Variants in XRCC1 observed in about 807,000 individuals in gnomAD.
XRCC1 encodes the protein DNA repair protein XRCC1.
XRCC1 carries 52 observed loss-of-function variants against 83.3 expected under a neutral mutation model. That is an observed-to-expected ratio of 0.62 (90% CI 0.50 to 0.79). The LOEUF (loss-of-function observed/expected upper bound fraction) is 0.79, where lower values mean the gene tolerates loss of function less well. Ranked by LOEUF, XRCC1 falls within the 30% of genes least tolerant of loss-of-function variation. The pLI, the probability that XRCC1 is intolerant of heterozygous loss-of-function variation, is 0.00. For synonymous variants in XRCC1, 281 were observed against 312.6 expected (o/e 0.90, Z 1.07); for missense variants, 793 against 823.5 (o/e 0.96, Z 0.45).
At chr19:43,551,156 T>C (rs935172471) in intron 10 of XRCC1, among the ~76,000 whole-genome samples, 1 of 151,944 alleles carries the variant, frequency 6.6e-6, no homozygotes. Context: ...TTAGTAGAGA[T>C]GGGGTTTCAC....
chr19:43,552,017 A>G lies in XRCC1; in HGVS notation c.1082T>C (p.Ile361Thr), dbSNP rs1972581450. ...CGCAGGGAGGGGGGCGCAAGCCTACATGAGGTGCGTGCTGTCCCGGGTCCA... is the reference window on the plus strand; with the variant it reads ...CGCAGGGAGGGGGGCGCAAGCCTACGTGAGGTGCGTGCTGTCCCGGGTCCA... ...PDWTRDSTHL[I>T]CAFANTPKYS... The change falls in exon 9 of 17, where the codon ATC (isoleucine) becomes ACC (threonine). Residue 361 changes from isoleucine to threonine, a missense_variant and splice_region_variant. Coordinates refer to ENST00000262887, the MANE Select transcript of XRCC1 (RefSeq NM_006297.3). 6.2e-7 allele frequency: 1 copy of G among 1,613,700 alleles called. No individual in the cohort carries two copies. The highest frequency in any genetic ancestry group is 8.5e-7 in the Non-Finnish European group (1 of 1,179,786).
rs756436503 is a variant in XRCC1, at chr19:43,543,695, G to A, written c.1713-8C>T. 3.7e-6 allele frequency: 6 copies of A among 1,613,794 alleles called. No individual in the cohort carries two copies. The African/African-American group carries it at 8.0e-5, about 22-fold the overall frequency. Reference sequence around the variant, plus strand: ...ATATAGTCCTCGAGCTCCCTGGCGGGAGAGAAGAAAAGAGGTAGAAGGCAC... The same window carrying A: ...ATATAGTCCTCGAGCTCCCTGGCGGAAGAGAAGAAAAGAGGTAGAAGGCAC... On this transcript the variant is annotated splice_region_variant and splice_polypyrimidine_tract_variant and intron_variant, in intron 15 of 16. Coordinates refer to ENST00000262887, the MANE Select transcript of XRCC1 (RefSeq NM_006297.3).
chr19:43,565,849 G>A (rs1972746865), intron 2 of XRCC1, among the ~76,000 whole-genome samples: 1 of 152,106 alleles, frequency 6.6e-6, no homozygotes, highest in Admixed American at 6.6e-5. Flanking sequence ...TAAGGCACAA[G>A]AATTACTTGA....
chr19:43,561,671 T>C (rs538386668), intron 2 of XRCC1, among the ~76,000 whole-genome samples: 3 of 152,322 alleles, frequency 2.0e-5, no homozygotes, highest in South Asian at 2.1e-4. Flanking sequence ...TAGACAACTA[T>C]TTGTTGAAAG....
intron 2 of XRCC1, among the ~76,000 whole-genome samples, chr19:43,567,017 T>A (rs1237201411): frequency 6.6e-6 from 1 of 152,170 alleles, no homozygotes; most frequent in Non-Finnish European, 1.5e-5. Flanking sequence ...TTGTGATATA[T>A]GCTACAACAT....
chr19:43,543,492 T>C lies in XRCC1; in HGVS notation c.1802A>G (p.Asn601Ser). 8 of 1,613,108 alleles carry C rather than the reference T, an allele frequency of 5.0e-6. No homozygotes were observed. The highest frequency in any genetic ancestry group is 6.8e-6 in the Non-Finnish European group (8 of 1,179,716). Reference protein sequence around the residue: ...DPSFEEALMDNPSLAFVRPRW... With the variant: ...DPSFEEALMDSPSLAFVRPRW... ...GGGACGAACGAATGCCAGGGAGGGG[T>C]TGTCCATCAGGGCCTGCAGGGTGGG... The change falls in exon 17 of 17, where the codon AAC becomes AGC. Residue 601 changes from asparagine (N) to serine (S), a missense_variant. Coordinates refer to ENST00000262887, the MANE Select transcript of XRCC1 (RefSeq NM_006297.3).
At chr19:43,545,687 G>C in intron 14 of XRCC1, 131 bp downstream of exon 14, 2 of 1,186,550 alleles carry the variant, frequency 1.7e-6, no homozygotes, top group Non-Finnish European at 2.4e-6. Context: ...CTGAGGCAGG[G>C]AGTGGGTTGA....
At chr19:43,565,839 T>C (rs992312395) in intron 2 of XRCC1, among the ~76,000 whole-genome samples, 2 of 152,086 alleles carry the variant, frequency 1.3e-5, no homozygotes, top group African/African-American at 4.8e-5. Context: ...CTCAGGAGGC[T>C]AAGGCACAAG....
intron 8 of XRCC1, among the ~76,000 whole-genome samples, chr19:43,552,570 G>A (rs1432034049): frequency 6.7e-6 from 1 of 148,832 alleles, no homozygotes; most frequent in Non-Finnish European, 1.5e-5. Context: ...TCAGACCCAG[G>A]GGTCCAGGCT....
At chr19:43,569,887 C>T (rs1396100881) in intron 2 of XRCC1, among the ~76,000 whole-genome samples, 1 of 152,222 alleles carries the variant, frequency 6.6e-6, no homozygotes, top group East Asian at 1.9e-4. Flanking sequence ...TTATACCACA[C>T]GATTCCATTT....
intron 9 of XRCC1, 63 bp downstream of exon 9, chr19:43,551,954 G>A (rs25493): frequency 0.022 from 35,091 of 1,560,992 alleles, 519 homozygotes; most frequent in Non-Finnish European, 0.026. Context: ...AGCACAAGGT[G>A]GAGGAGACAC....
At chr19:43,571,302 C>G (rs1972804734) in intron 2 of XRCC1, among the ~76,000 whole-genome samples, 1 of 152,196 alleles carries the variant, frequency 6.6e-6, no homozygotes, top group Non-Finnish European at 1.5e-5. Context: ...ATACATAGCT[C>G]ATGTTGCTCA....
Position 43,544,512 on chromosome 19 carries a change from C to CT in XRCC1, c.1622-279dup, listed in dbSNP as rs535098707. On this transcript the variant is annotated intron_variant, in intron 14 of 16. Transcript: ENST00000262887. ...TGGAGCCACTTACCTCTCTCTCTCT[C>CT]TTTTTTTTTTTTAAGACAAGGACTC... Among the ~76,000 whole-genome samples the CT allele has an allele frequency of 1.1e-3, 161 of 145,918 alleles. No homozygotes were observed. The East Asian group carries it at 0.011, about 10-fold the overall frequency.
chr19:43,568,560 G>C (rs189501726), intron 2 of XRCC1, among the ~76,000 whole-genome samples: 3 of 152,114 alleles, frequency 2.0e-5, no homozygotes, highest in Admixed American at 2.0e-4. Flanking sequence ...ACTTCATGCA[G>C]TGTGCATCTC....
chr19:43,556,664 G>A (rs112399976), intron 3 of XRCC1, among the ~76,000 whole-genome samples: 317 of 152,190 alleles, frequency 2.1e-3, no homozygotes, highest in African/African-American at 7.3e-3. Flanking sequence ...TTTAAGCCAG[G>A]CATGGTGGCA....
At chr19:43,563,867 T>A (rs1004784694) in intron 2 of XRCC1, among the ~76,000 whole-genome samples, 1 of 152,200 alleles carries the variant, frequency 6.6e-6, no homozygotes, top group Non-Finnish European at 1.5e-5. Context: ...TGTATTTGTC[T>A]AGCATCTGTC....
intron 3 of XRCC1, 94 bp from the exon 4 acceptor site, chr19:43,554,898 A>C: frequency 3.6e-6 from 5 of 1,400,952 alleles, no homozygotes; most frequent in Non-Finnish European, 4.9e-6. Context: ...GGGCCCACAC[A>C]GGGGACTGGG....
intron 2 of XRCC1, among the ~76,000 whole-genome samples, chr19:43,568,366 A>G (rs1972774120): frequency 6.6e-6 from 1 of 151,956 alleles, no homozygotes; most frequent in Non-Finnish European, 1.5e-5. Context: ...GCCTGGTGGC[A>G]TGTGCCCGTA....
At chr19:43,572,452 G>A (rs544021353) in intron 2 of XRCC1, among the ~76,000 whole-genome samples, 2 of 152,290 alleles carry the variant, frequency 1.3e-5, no homozygotes, top group South Asian at 4.1e-4. Flanking sequence ...AGGAAGAGCT[G>A]GGGGCTTGAA....
Sources: allele counts gnomAD v4.1 joint callset (sites outside exome capture counted in the v4.1 genomes callset), GRCh38; gene constraint gnomAD v4.1.1; transcripts MANE v1.5; gene names NCBI Gene and HGNC (gene_info 2026-07-23, HGNC 2026-07-21).